KCNQ5: variants seen among roughly 807,000 people sequenced by gnomAD.
KCNQ5 encodes potassium voltage-gated channel subfamily KQT member 5.
KCNQ5 carries 30 observed loss-of-function variants against 98.2 expected under a neutral mutation model. That is an observed-to-expected ratio of 0.31 (90% CI 0.23 to 0.41). The LOEUF (loss-of-function observed/expected upper bound fraction) is 0.41. Among genes scored for constraint, KCNQ5 ranks in the 10% least tolerant of loss-of-function variants. The pLI is 1.00. For missense variants in KCNQ5, 835 were observed against 1,182.5 expected, an observed-to-expected ratio of 0.71 and a Z score of 4.31; for synonymous variants, 458 against 449.4, an observed-to-expected ratio of 1.02 and a Z score of -0.24.
intron 7 of KCNQ5, among the ~76,000 whole-genome samples, chr6:73,119,294 G>A (rs1775648583): frequency 6.6e-6 from 1 of 152,204 alleles, no homozygotes; most frequent in African/African-American, 2.4e-5. Context: ...ATGACTGACA[G>A]CCAGGCAATC....
rs1767819979 is a variant in KCNQ5 at position 72,683,722 on chromosome 6, T to C, written c.398+61135T>C. On this transcript the variant is annotated intron_variant, in intron 1 of 13. Coordinates refer to ENST00000370398, the MANE Select transcript of KCNQ5 (RefSeq NM_019842.4). ...CTTAATTGTATATGGTTTAGATGTC[T>C]CTTAGGAATGCCTGGGTTTGTATGT... 2.0e-5 allele frequency among the ~76,000 whole-genome samples: 3 copies of C among 151,532 alleles called. No homozygotes were observed. In the South Asian group the frequency reaches 6.3e-4, roughly 32 times the overall value.
chr6:72,726,208 ATTT>A (rs371004096), intron 1 of KCNQ5, among the ~76,000 whole-genome samples: 5,827 of 141,950 alleles, frequency 0.041, 382 homozygotes, highest in African/African-American at 0.14. Flanking sequence ...TTAAATTTAA[ATTT>A]TTTTTTTTTT....
intron 1 of KCNQ5, among the ~76,000 whole-genome samples, chr6:72,738,720 C>CA (rs909047687): frequency 2.7e-5 from 4 of 150,532 alleles, no homozygotes; most frequent in East Asian, 1.9e-4. Flanking sequence ...TTATTCAGGG[C>CA]AAAAAAAATA....
At position 72,655,017 on chromosome 6, in the gene KCNQ5, GGTCTGTCT is replaced by G. The variant is rs200156574; in HGVS notation, c.398+32435_398+32442del. Among the ~76,000 whole-genome samples the G allele has an allele frequency of 1.2e-3, 126 of 107,550 alleles. 1 individual carries two copies. The highest frequency in any genetic ancestry group is 5.7e-3 in the African/African-American group (114 of 19,858). The allele number at this position is 107,550 out of a possible 152,430, so 70.6% of individuals were successfully genotyped here. ...TTTTGTTTCCATGTTTAATAGCCAA[GGTCTGTCT>G]GTCTTTCTTTCTTTCTTTCTTTCTT... On this transcript the variant is annotated intron_variant, in intron 1 of 13. Transcript: ENST00000370398.
chr6:73,120,284 G>A (rs992259662), intron 7 of KCNQ5, among the ~76,000 whole-genome samples, 199 bp from the exon 8 acceptor site: 6 of 151,930 alleles, frequency 3.9e-5, no homozygotes, highest in African/African-American at 1.5e-4. Flanking sequence ...AATAAAAGAA[G>A]TTCTGATGTG....
chr6:72,847,132 A>T (rs981972089), intron 1 of KCNQ5, among the ~76,000 whole-genome samples: 1 of 140,488 alleles, frequency 7.1e-6, no homozygotes, highest in Non-Finnish European at 1.7e-5. Flanking sequence ...AAATAAATTA[A>T]AAAAAAATTC....
At chr6:72,884,621 C>A (rs1778781561) in intron 1 of KCNQ5, among the ~76,000 whole-genome samples, 1 of 149,136 alleles carries the variant, frequency 6.7e-6, no homozygotes, top group South Asian at 2.1e-4. Context: ...GAATAAAATA[C>A]TTTTTTTTTT....
chr6:73,035,719 G>A (rs1771382900), intron 2 of KCNQ5, among the ~76,000 whole-genome samples: 1 of 152,132 alleles, frequency 6.6e-6, no homozygotes, highest in South Asian at 2.1e-4. Context: ...CCCAGCATCT[G>A]GATTTGAAGA....
chr6:73,142,995 CG>C (rs1427461095), intron 10 of KCNQ5, among the ~76,000 whole-genome samples: 2 of 152,170 alleles, frequency 1.3e-5, no homozygotes, highest in African/African-American at 2.4e-5. Flanking sequence ...TAACTTCTAA[CG>C]CAGCTCTCTT....
rs190460149 is a variant in KCNQ5, at chr6:73,121,320, C to T, written c.1220+743C>T. Among the ~76,000 whole-genome samples, 21 of 150,966 alleles carry T rather than the reference C, an allele frequency of 1.4e-4. No homozygotes were observed. In the East Asian group the frequency reaches 2.5e-3, roughly 18 times the overall value. ...CATTATGGACAGTCCTAATGATTAC[C>T]ACAGAGATCTGTAATTAAAAAAAAA... On this transcript the variant is annotated intron_variant, in intron 8 of 13. Transcript: ENST00000370398.
At chr6:73,056,786 GCA>G (rs1772521029) in intron 3 of KCNQ5, among the ~76,000 whole-genome samples, 3 of 152,050 alleles carry the variant, frequency 2.0e-5, no homozygotes, top group African/African-American at 7.2e-5. Context: ...GCCATCCCAT[GCA>G]CACCAGTTAG....
chr6:73,014,495 A>C (rs997412217), intron 2 of KCNQ5, among the ~76,000 whole-genome samples: 4 of 152,094 alleles, frequency 2.6e-5, no homozygotes, highest in African/African-American at 9.7e-5. Flanking sequence ...CGTGCTCAGC[A>C]TCTGGATGAG....
chr6:72,726,028 T>C (rs1770244912), intron 1 of KCNQ5, among the ~76,000 whole-genome samples: 1 of 151,982 alleles, frequency 6.6e-6, no homozygotes, highest in Admixed American at 6.6e-5. Flanking sequence ...CCAAAGTAAT[T>C]TACAGGCAGA....
intron 11 of KCNQ5, among the ~76,000 whole-genome samples, chr6:73,186,544 T>G (rs62411388): frequency 1.3e-5 from 2 of 152,198 alleles, no homozygotes; most frequent in African/African-American, 2.4e-5. Context: ...ATAGCTGTTT[T>G]CAAACTACCA....
rs147005948 is a variant in KCNQ5, at chr6:72,843,236, G to A, written c.399-160672G>A. On this transcript the variant is annotated intron_variant, in intron 1 of 13. Coordinates refer to ENST00000370398, the MANE Select transcript of KCNQ5 (RefSeq NM_019842.4). ...TCTTCCCAAAACTGTTCATTAAATAGGGAATCCTTTCCCCATTTCTTGTTT... is the reference window on the plus strand; with the variant it reads ...TCTTCCCAAAACTGTTCATTAAATAAGGAATCCTTTCCCCATTTCTTGTTT... Among the ~76,000 whole-genome samples the A allele has an allele frequency of 5.8e-3, 880 of 152,280 alleles. 6 individuals carry two copies. Among genetic ancestry groups the A allele is most frequent in the African/African-American group, 0.02 (833 of 41,558 alleles).
At chr6:72,916,633 A>G (rs1406843886) in intron 1 of KCNQ5, among the ~76,000 whole-genome samples, 3 of 152,210 alleles carry the variant, frequency 2.0e-5, no homozygotes, top group African/African-American at 7.2e-5. Flanking sequence ...TGAAAGGGAG[A>G]ACATTTTTCC....
At chr6:72,792,418 A>G (rs966960812) in intron 1 of KCNQ5, among the ~76,000 whole-genome samples, 12 of 152,206 alleles carry the variant, frequency 7.9e-5, no homozygotes, top group African/African-American at 2.9e-4. Flanking sequence ...TTTTGGAATC[A>G]ATATTTTCAT....
intron 2 of KCNQ5, among the ~76,000 whole-genome samples, chr6:73,024,727 A>G (rs2150342460): frequency 2.0e-5 from 3 of 152,342 alleles, no homozygotes; most frequent in Admixed American, 2.0e-4. Context: ...TAAGACTGAC[A>G]TTTCAGATGA....
At chr6:72,926,040 A>G (rs1196645038) in intron 1 of KCNQ5, among the ~76,000 whole-genome samples, 2 of 152,182 alleles carry the variant, frequency 1.3e-5, no homozygotes, top group African/African-American at 4.8e-5. Flanking sequence ...AAAATAGCAG[A>G]GAGCCAGAAG....
Sources: gnomAD v4.1 joint callset for allele counts (sites outside exome capture counted in the v4.1 genomes callset) on GRCh38, gnomAD v4.1.1 for gene constraint, MANE v1.5 for transcripts, NCBI Gene and HGNC (gene_info 2026-07-23, HGNC 2026-07-21) for gene names.